Variants in USH2A observed in about 807,000 individuals in gnomAD.
USH2A encodes usherin.
In USH2A, 443 loss-of-function variants were observed where a neutral mutation model predicts 538.9. The observed-to-expected ratio is 0.82, with a 90% confidence interval of 0.76 to 0.89. The LOEUF is 0.89. Among genes scored for constraint, USH2A ranks in the 40% least tolerant of loss-of-function variants. The pLI is 0.00. For synonymous variants in USH2A, 2,413 were observed against 2,273.5 expected (o/e 1.06, Z -1.75); for missense variants, 6,633 against 6,324.8 (o/e 1.05, Z -1.65).
intron 4 of USH2A, among the ~76,000 whole-genome samples, chr1:216,350,441 T>G (rs143635823): frequency 6.6e-6 from 1 of 152,154 alleles, no homozygotes; most frequent in East Asian, 1.9e-4. Context: ...GCCTGTAAAA[T>G]CAAAACCCAG....
At chr1:215,800,242 C>T (rs1486796865) in intron 49 of USH2A, among the ~76,000 whole-genome samples, 1 of 152,124 alleles carries the variant, frequency 6.6e-6, no homozygotes, top group African/African-American at 2.4e-5. Context: ...CTGTGGTTGT[C>T]TTCCCTCGTG....
At chr1:216,057,811 C>T (rs1003668593) in intron 30 of USH2A, among the ~76,000 whole-genome samples, 29 of 152,132 alleles carry the variant, frequency 1.9e-4, no homozygotes, top group African/African-American at 4.6e-4. Flanking sequence ...TTACTTCTGA[C>T]GATTTCCTAT....
At chr1:215,720,745 T>C (rs1160567537) in intron 61 of USH2A, among the ~76,000 whole-genome samples, 1 of 152,058 alleles carries the variant, frequency 6.6e-6, no homozygotes, top group African/African-American at 2.4e-5. Flanking sequence ...TCTTGGACAA[T>C]AACAAATAGT....
chr1:215,709,564 A>G (rs542119499), intron 61 of USH2A, among the ~76,000 whole-genome samples: 38 of 151,994 alleles, frequency 2.5e-4, no homozygotes, highest in African/African-American at 8.9e-4. Flanking sequence ...TAAGAGCACA[A>G]GTAACTCACT....
chr1:216,306,641 T>A (rs2037321943), intron 9 of USH2A, among the ~76,000 whole-genome samples: 1 of 152,226 alleles, frequency 6.6e-6, no homozygotes, highest in Admixed American at 6.5e-5. Flanking sequence ...TTAGACTATG[T>A]CAGAGGGAAG....
chr1:215,712,705 G>A (rs1177735161), intron 61 of USH2A, among the ~76,000 whole-genome samples: 1 of 152,192 alleles, frequency 6.6e-6, no homozygotes, highest in African/African-American at 2.4e-5. Context: ...AACATATTTA[G>A]TGAAGAAATC....
At chr1:216,107,373 ATGTC>A (rs2032758718) in intron 21 of USH2A, among the ~76,000 whole-genome samples, 1 of 151,878 alleles carries the variant, frequency 6.6e-6, no homozygotes, top group African/African-American at 2.4e-5. Context: ...TCATTATAAA[ATGTC>A]TGTTTAGTAA....
At chr1:215,959,624 T>C (rs181993751) in intron 37 of USH2A, among the ~76,000 whole-genome samples, 14 of 152,264 alleles carry the variant, frequency 9.2e-5, no homozygotes, top group African/African-American at 3.1e-4. Context: ...TTCCCTTTGC[T>C]AATGCTTAAG....
intron 21 of USH2A, among the ~76,000 whole-genome samples, chr1:216,151,400 C>T (rs559011335): frequency 2.0e-4 from 31 of 152,246 alleles, no homozygotes; most frequent in Non-Finnish European, 3.2e-4. Flanking sequence ...ATTCAATTTG[C>T]AAATGGGACC....
At chr1:216,003,170 C>T (rs779973738) in intron 32 of USH2A, among the ~76,000 whole-genome samples, 1 of 151,932 alleles carries the variant, frequency 6.6e-6, no homozygotes, top group Non-Finnish European at 1.5e-5. Flanking sequence ...ACAAGTATAC[C>T]TCTCATGTTG....
At chr1:216,291,339 T>C (rs1346137695) in intron 10 of USH2A, among the ~76,000 whole-genome samples, 1 of 152,180 alleles carries the variant, frequency 6.6e-6, no homozygotes, top group Non-Finnish European at 1.5e-5. Context: ...ACCATCCTAA[T>C]CTTTCAACTG....
intron 37 of USH2A, among the ~76,000 whole-genome samples, chr1:215,957,607 T>C (rs6680930): frequency 0.15 from 22,649 of 152,128 alleles, 1,890 homozygotes; most frequent in African/African-American, 0.22. Flanking sequence ...TCAGAATATG[T>C]GGGCATAAAA....
rs1159906539 is a variant in USH2A, at chr1:215,680,438, G to A, written c.12067-62C>T. ...TTTTTTGAAACTGACAATATTGCTG[G>A]AAAGTCATTCTCTGAACCTCATGGC... is the stretch of plus-strand genomic sequence containing the variant. On this transcript the variant is annotated intron_variant, in intron 61 of 71. Transcript: ENST00000307340. 5.2e-6 allele frequency: 8 copies of A among 1,545,520 alleles called. No individual in the cohort carries two copies. The East Asian group carries it at 1.6e-4, about 30-fold the overall frequency.
At chr1:216,369,888 A>G (rs533407815) in intron 3 of USH2A, among the ~76,000 whole-genome samples, 60 of 148,024 alleles carry the variant, frequency 4.1e-4, no homozygotes, top group African/African-American at 1.5e-3. Context: ...GCGCCATTGC[A>G]CTACAGCCTG....
At chr1:216,038,414 T>A (rs897245537) in intron 32 of USH2A, among the ~76,000 whole-genome samples, 2 of 152,048 alleles carry the variant, frequency 1.3e-5, no homozygotes, top group African/African-American at 4.8e-5. Flanking sequence ...CAAGTTAGTA[T>A]GAGTTTATTT....
chr1:216,419,762 T>A (rs754167858), intron 2 of USH2A, among the ~76,000 whole-genome samples: 12 of 152,124 alleles, frequency 7.9e-5, no homozygotes, highest in Non-Finnish European at 1.3e-4. Flanking sequence ...TGTATAAAAT[T>A]GAGCCAATCA....
At chr1:215,692,924 GAC>G (rs1238186717) in intron 61 of USH2A, among the ~76,000 whole-genome samples, 1 of 150,552 alleles carries the variant, frequency 6.6e-6, no homozygotes, top group Non-Finnish European at 1.5e-5. Context: ...TTTTTTTTGA[GAC>G]AGAGTCTCAC....
chr1:216,158,607 T>C (rs934210125), intron 21 of USH2A, among the ~76,000 whole-genome samples: 2 of 152,230 alleles, frequency 1.3e-5, no homozygotes, highest in East Asian at 3.9e-4. Flanking sequence ...TTGCCTATAC[T>C]ATACATGCTT....
rs1224180395 is a variant in USH2A at position 216,247,046 on chromosome 1, T to C, written c.2348A>G (p.Asn783Ser). Residue 783 changes from asparagine (N) to serine (S), a missense_variant, in exon 13 of 72, where the codon AAC becomes AGC. Coordinates refer to ENST00000307340, the MANE Select transcript of USH2A (RefSeq NM_206933.4). Reference sequence around the variant, plus strand: ...ATTGGTGACATCTAACCCATAAAAGTTTTCTCTGCAGGTGTCACACTGAAG... The same window carrying C: ...ATTGGTGACATCTAACCCATAAAAGCTTTCTCTGCAGGTGTCACACTGAAG... ...KGLQCDTCRE[N>S]FYGLDVTNCK... 1.5e-5 allele frequency: 25 copies of C among 1,613,970 alleles called. No homozygotes were observed. Among genetic ancestry groups the C allele is most frequent in the Non-Finnish European group, 2.1e-5 (25 of 1,179,944 alleles).
Sources: allele counts gnomAD v4.1 joint callset (sites outside exome capture counted in the v4.1 genomes callset), GRCh38; gene constraint gnomAD v4.1.1; transcripts MANE v1.5; gene names NCBI Gene and HGNC (gene_info 2026-07-23, HGNC 2026-07-21).